SAMD5: variants seen among roughly 807,000 people sequenced by gnomAD.
The protein encoded by SAMD5 is sterile alpha motif domain containing 5.
Under a neutral mutation model 11.3 loss-of-function variants are expected in SAMD5, and 13 were observed. The ratio of observed to expected loss-of-function variants is 1.15; its 90% CI spans 0.75 to 1.83. The LOEUF (loss-of-function observed/expected upper bound fraction) is 1.83, where lower values mean the gene tolerates loss of function less well. Among genes scored for constraint, SAMD5 ranks in the 40% most tolerant of loss-of-function variants. The pLI is 0.00. For synonymous variants in SAMD5, 129 were observed against 111.3 expected (o/e 1.16, Z -1.00); for missense variants, 255 against 239.1 (o/e 1.07, Z -0.44).
chr6:147,787,466 T>C, the SAMD5 span, among the ~76,000 whole-genome samples: 1 of 152,140 alleles, frequency 6.6e-6, no homozygotes, highest in South Asian at 2.1e-4. Context: ...CAAAGACCAG[T>C]AGACATGAAT....
intron 1 of SAMD5, among the ~76,000 whole-genome samples, chr6:147,582,397 G>A (rs1352809184): frequency 6.6e-6 from 1 of 152,042 alleles, no homozygotes; most frequent in East Asian, 1.9e-4. Flanking sequence ...AGGAGATGGT[G>A]GTTGAGAGAG....
chr6:147,768,090 A>G, the SAMD5 span, among the ~76,000 whole-genome samples: 1 of 152,210 alleles, frequency 6.6e-6, no homozygotes, highest in East Asian at 1.9e-4. Context: ...TAACAATTCA[A>G]CTGCATCCAG....
At chr6:147,818,370 G>A in the SAMD5 span, among the ~76,000 whole-genome samples, 1 of 152,308 alleles carries the variant, frequency 6.6e-6, no homozygotes, top group African/African-American at 2.4e-5. Context: ...CTGACTTGAT[G>A]GTGGTGATGG....
chr6:147,774,595 G>A, the SAMD5 span, among the ~76,000 whole-genome samples: 3 of 151,588 alleles, frequency 2.0e-5, no homozygotes, highest in Non-Finnish European at 4.4e-5. Context: ...TATTTTTATT[G>A]TTATATTGTT....
chr6:147,674,543 CACAGAGGCACT>C (rs1790837838), intron 1 of SAMD5, among the ~76,000 whole-genome samples: 1 of 152,166 alleles, frequency 6.6e-6, no homozygotes, highest in Non-Finnish European at 1.5e-5. Context: ...TTTGGGGTAG[CACAGAGGCACT>C]ACAGCACTGT....
At chr6:147,556,261 T>A (rs1354004060) in intron 1 of SAMD5, among the ~76,000 whole-genome samples, 1 of 151,704 alleles carries the variant, frequency 6.6e-6, no homozygotes, top group Non-Finnish European at 1.5e-5. Context: ...CCCGGCTAAT[T>A]TTTTGTATCT....
chr6:147,744,899 C>CAATAAATAAATAAATAAATAAATAAATA, the SAMD5 span, among the ~76,000 whole-genome samples: 67 of 137,370 alleles, frequency 4.9e-4, no homozygotes, highest in African/African-American at 1.7e-3. Flanking sequence ...CTCTGTCTCA[C>CAATAAATAAATAAATAAATAAATAAATA]AATAAATAAA....
chr6:147,772,356 TG>T, the SAMD5 span, among the ~76,000 whole-genome samples: 3 of 151,752 alleles, frequency 2.0e-5, no homozygotes, highest in Non-Finnish European at 4.4e-5. Context: ...CCATCCTAGA[TG>T]GGGACATGTT....
At chr6:147,900,703 C>T in the SAMD5 span, among the ~76,000 whole-genome samples, 3,384 of 152,212 alleles carry the variant, frequency 0.022, 125 homozygotes, top group African/African-American at 0.077. Flanking sequence ...GTAAGCAGCT[C>T]GCCTATTCAA....
the SAMD5 span, among the ~76,000 whole-genome samples, chr6:147,916,451 G>C: frequency 3.2e-4 from 49 of 152,264 alleles, no homozygotes; most frequent in East Asian, 7.9e-3. Context: ...CATTCTAACA[G>C]GTGTGAGATG....
At chr6:147,635,860 A>G (rs1021976447) in intron 1 of SAMD5, among the ~76,000 whole-genome samples, 1 of 152,192 alleles carries the variant, frequency 6.6e-6, no homozygotes, top group Non-Finnish European at 1.5e-5. Context: ...CCTGAAGGTC[A>G]CTCAAATCAG....
the SAMD5 span, among the ~76,000 whole-genome samples, chr6:147,904,853 T>C: frequency 1.3e-5 from 2 of 151,904 alleles, no homozygotes; most frequent in Non-Finnish European, 2.9e-5. Flanking sequence ...AGAACATAAC[T>C]CAAAACTAAC....
the SAMD5 span, among the ~76,000 whole-genome samples, chr6:147,935,460 A>G: frequency 6.6e-6 from 1 of 152,202 alleles, no homozygotes; most frequent in Non-Finnish European, 1.5e-5. Context: ...AAGCAAAAGT[A>G]GAGAAGGAAT....
intron 1 of SAMD5, among the ~76,000 whole-genome samples, chr6:147,628,096 A>G (rs1790085782): frequency 1.3e-5 from 2 of 152,334 alleles, no homozygotes; most frequent in African/African-American, 4.8e-5. Flanking sequence ...TCCAACAGAT[A>G]TTGCTGGTAG....
intron 1 of SAMD5, among the ~76,000 whole-genome samples, chr6:147,622,855 C>A (rs55802502): frequency 6.6e-6 from 1 of 151,796 alleles, no homozygotes; most frequent in African/African-American, 2.4e-5. Context: ...ACAATCATGG[C>A]GGAAGGTGAA....
At chr6:147,817,517 C>T in the SAMD5 span, among the ~76,000 whole-genome samples, 1 of 152,226 alleles carries the variant, frequency 6.6e-6, no homozygotes, top group Non-Finnish European at 1.5e-5. Flanking sequence ...ACAGTCCTTT[C>T]TTTCATGAGG....
intron 1 of SAMD5, among the ~76,000 whole-genome samples, chr6:147,706,760 C>T (rs1474631836): frequency 6.6e-6 from 1 of 152,110 alleles, no homozygotes; most frequent in African/African-American, 2.4e-5. Context: ...CTGTGTATAC[C>T]AAGGTGTGGC....
At chr6:147,947,340 T>G in the SAMD5 span, 1 of 152,188 alleles carries the variant, frequency 6.6e-6, no homozygotes, top group Non-Finnish European at 1.5e-5. Context: ...AAAACGTGAT[T>G]TTCTACTAAA....
At chr6:147,801,052 G>A in the SAMD5 span, among the ~76,000 whole-genome samples, 1 of 152,012 alleles carries the variant, frequency 6.6e-6, no homozygotes, top group East Asian at 1.9e-4. Flanking sequence ...GACATTACTG[G>A]TTTTAATGTA....
Sources: gnomAD v4.1 joint callset for allele counts (sites outside exome capture counted in the v4.1 genomes callset) on GRCh38, gnomAD v4.1.1 for gene constraint, MANE v1.5 for transcripts, NCBI Gene and HGNC (gene_info 2026-07-23, HGNC 2026-07-21) for gene names.